ZFYVE28: variants seen among roughly 807,000 people sequenced by gnomAD.
The protein encoded by ZFYVE28 is lateral signaling target protein 2 homolog.
Under a neutral mutation model 82.1 loss-of-function variants are expected in ZFYVE28, and 40 were observed. That is an observed-to-expected ratio of 0.49 (90% CI 0.38 to 0.63). ZFYVE28 has a LOEUF of 0.63. ZFYVE28 is among the 30% of genes least tolerant of loss of function. ZFYVE28 has a pLI of 0.00. For missense variants in ZFYVE28, 1,321 were observed against 1,242.1 expected (o/e 1.06, Z -0.96); for synonymous variants, 612 against 546.1 (o/e 1.12, Z -1.68).
At chr4:2,293,608 C>A (rs1212810764) in intron 8 of ZFYVE28, among the ~76,000 whole-genome samples, 1 of 151,900 alleles carries the variant, frequency 6.6e-6, no homozygotes, top group African/African-American at 2.4e-5. Context: ...AAAAAATTAG[C>A]TGGGCGTAGT....
intron 6 of ZFYVE28, among the ~76,000 whole-genome samples, chr4:2,325,592 C>CTTTTT (rs58460729): frequency 4.0e-4 from 49 of 122,178 alleles, no homozygotes; most frequent in Non-Finnish European, 6.4e-4. Context: ...TTAAATCTTA[C>CTTTTT]TTTTTTTTTT....
At chr4:2,380,824 G>T (rs746089605) in intron 1 of ZFYVE28, among the ~76,000 whole-genome samples, 6 of 152,214 alleles carry the variant, frequency 3.9e-5, no homozygotes, top group South Asian at 2.1e-4. Context: ...GCTGTGATTC[G>T]GAGGCCTCCC....
chr4:2,405,272 C>T (rs1018455075), intron 1 of ZFYVE28, among the ~76,000 whole-genome samples: 7 of 152,192 alleles, frequency 4.6e-5, no homozygotes, highest in African/African-American at 1.2e-4. Context: ...TGGGGTGCAC[C>T]GCCACCTGCT....
chr4:2,270,739 T>C lies in ZFYVE28; in HGVS notation c.2650A>G (p.Lys884Glu). 2 of 1,613,170 alleles carry C rather than the reference T, an allele frequency of 1.2e-6. No homozygotes were observed. The highest frequency in any genetic ancestry group is 1.7e-6 in the Non-Finnish European group (2 of 1,179,900). Residue 884 changes from lysine to glutamate, a missense_variant, in exon 13 of 13, where the codon AAG (lysine) becomes GAG (glutamate). Lys to Glu is a moderately conservative substitution (Grantham distance 56, BLOSUM62 1). Coordinates refer to ENST00000290974, the MANE Select transcript of ZFYVE28 (RefSeq NM_020972.3). ...CTGGCACCACGTCACAGGCCGGCCT[T>C]GTCGCTGTAGAAGGGCGTGACATGG... is the stretch of plus-strand genomic sequence containing the variant. ...MFHVTPFYSDKAGL is the reference protein window; with the variant it reads ...MFHVTPFYSDEAGL
chr4:2,331,262 C>CA (rs1560215383), intron 6 of ZFYVE28, among the ~76,000 whole-genome samples: 19 of 151,750 alleles, frequency 1.3e-4, no homozygotes, highest in Admixed American at 7.2e-4. Context: ...CGCAGCGAGG[C>CA]GGGCAGGCAG....
At chr4:2,287,389 G>C (rs6599422) in intron 8 of ZFYVE28, 101,124 of 151,992 alleles carry the variant, frequency 0.67, 34,782 homozygotes, top group African/African-American at 0.84. Context: ...CCTCTCAGCG[G>C]CGTGGGTGCA....
At chr4:2,276,311 G>A (rs1241028584) in intron 8 of ZFYVE28, among the ~76,000 whole-genome samples, 2 of 152,332 alleles carry the variant, frequency 1.3e-5, no homozygotes, top group South Asian at 2.1e-4. Context: ...ACAATGCTCC[G>A]TGGCTCTCCC....
chr4:2,391,061 T>C (rs974921118), intron 1 of ZFYVE28, among the ~76,000 whole-genome samples: 12 of 152,376 alleles, frequency 7.9e-5, no homozygotes, highest in African/African-American at 2.9e-4. Flanking sequence ...GCCAGAGACC[T>C]GCCTGTGGGC....
Position 2,373,317 on chromosome 4 carries a change from G to C in ZFYVE28, c.40-19244C>G, listed in dbSNP as rs546411014. The stretch of plus-strand genomic sequence containing the variant: ...GTTCAAGACCAGCCTGGGCAACATA[G>C]TGAGACCTACATCTCTACAAAAAAT... On this transcript the variant is annotated intron_variant, in intron 1 of 12. Coordinates refer to ENST00000290974, the MANE Select transcript of ZFYVE28 (RefSeq NM_020972.3). Among the ~76,000 whole-genome samples, 128 of 152,246 alleles carry C rather than the reference G, an allele frequency of 8.4e-4. 1 individual carries two copies. The highest frequency in any genetic ancestry group is 3.4e-3 in the Middle Eastern group (1 of 294).
chr4:2,371,663 CA>C (rs1319290969), intron 1 of ZFYVE28, among the ~76,000 whole-genome samples: 2 of 152,178 alleles, frequency 1.3e-5, no homozygotes, highest in Admixed American at 6.5e-5. Flanking sequence ...GACAAACAAA[CA>C]AACAAAAAAC....
In ZFYVE28 at chr4:2,401,260, G is replaced by A. The variant is rs140066094; in HGVS notation, c.39+17025C>T. ...GCAGTGGTCACAGCTCACACGCAAC[G>A]ACACATGGCCCAAGGGGGAGGTGCC... is the stretch of plus-strand genomic sequence containing the variant. On this transcript the variant is annotated intron_variant, in intron 1 of 12. Transcript: ENST00000290974. 7.9e-5 allele frequency among the ~76,000 whole-genome samples: 12 copies of A among 152,314 alleles called. No individual in the cohort carries two copies. In the East Asian group the frequency reaches 2.1e-3, roughly 27 times the overall value.
intron 8 of ZFYVE28, among the ~76,000 whole-genome samples, chr4:2,290,571 G>A (rs1254385869): frequency 6.6e-6 from 1 of 152,206 alleles, no homozygotes; most frequent in African/African-American, 2.4e-5. Context: ...ATGGGGGCAG[G>A]TGCAGCAGAG....
At chr4:2,340,400 G>A (rs184893336) in intron 3 of ZFYVE28, among the ~76,000 whole-genome samples, 3 of 152,068 alleles carry the variant, frequency 2.0e-5, no homozygotes, top group East Asian at 3.9e-4. Context: ...TGGTAGACCT[G>A]TTGTCACAGG....
In ZFYVE28 at chr4:2,324,231, C is replaced by G. The variant is rs374108414; in HGVS notation, c.702-3960G>C. ...TGGAAGCCGGATTCCCCCTTACTTG[C>G]GGATCTCAGTCTATTTCTCTCAGGG... On this transcript the variant is annotated intron_variant, in intron 6 of 12. Coordinates refer to ENST00000290974, the MANE Select transcript of ZFYVE28 (RefSeq NM_020972.3). Among the ~76,000 whole-genome samples the G allele has an allele frequency of 2.0e-5, 3 of 152,288 alleles. No homozygotes were observed. The East Asian group carries it at 5.8e-4, about 29-fold the overall frequency.
chr4:2,347,959 CAACA>C lies in ZFYVE28; in HGVS notation c.180+5970_180+5973del, dbSNP rs369738472. Among the ~76,000 whole-genome samples the C allele has an allele frequency of 2.0e-3, 299 of 151,918 alleles. 3 individuals are homozygous for C. Among genetic ancestry groups the C allele is most frequent in the African/African-American group, 6.2e-3 (256 of 41,496 alleles). ...CAAAGCAAACAGAAGAAAGGAATAG[CAACA>C]ATCAGAGCAGAAATTTAATGAAAGA... On this transcript the variant is annotated intron_variant, in intron 2 of 12. Transcript: ENST00000290974.
chr4:2,361,688 T>C (rs1374512634), intron 1 of ZFYVE28, among the ~76,000 whole-genome samples: 1 of 152,118 alleles, frequency 6.6e-6, no homozygotes, highest in Non-Finnish European at 1.5e-5. Context: ...ACCACATCGC[T>C]GGATGCCAAG....
At chr4:2,358,249 A>G (rs761140736) in intron 1 of ZFYVE28, among the ~76,000 whole-genome samples, 5 of 152,178 alleles carry the variant, frequency 3.3e-5, no homozygotes, top group Non-Finnish European at 7.3e-5. Context: ...ATGTGCGTCC[A>G]TGTATCTGTG....
chr4:2,413,474 C>T (rs1732730497), intron 1 of ZFYVE28, among the ~76,000 whole-genome samples: 1 of 152,228 alleles, frequency 6.6e-6, no homozygotes, highest in African/African-American at 2.4e-5. Flanking sequence ...GCCACGCCTG[C>T]TCTGACTCAG....
chr4:2,358,025 A>C (rs535814367), intron 1 of ZFYVE28, among the ~76,000 whole-genome samples: 8 of 152,298 alleles, frequency 5.3e-5, no homozygotes, highest in African/African-American at 1.9e-4. Context: ...CCCAGTCATC[A>C]CACAAAGCCC....
Sources: gnomAD v4.1 joint callset for allele counts (sites outside exome capture counted in the v4.1 genomes callset) on GRCh38, gnomAD v4.1.1 for gene constraint, MANE v1.5 for transcripts, NCBI Gene and HGNC (gene_info 2026-07-23, HGNC 2026-07-21) for gene names.